Variants in COL6A1 observed in about 807,000 individuals in gnomAD.
The protein encoded by COL6A1 is collagen alpha-1(VI) chain.
In COL6A1, 80 loss-of-function variants were observed where a neutral mutation model predicts 145.6. The observed-to-expected ratio is 0.55, with a 90% confidence interval of 0.46 to 0.66. The LOEUF (loss-of-function observed/expected upper bound fraction) is 0.66. Ranked by LOEUF, COL6A1 falls within the 30% of genes least tolerant of loss-of-function variation. COL6A1 has a pLI of 0.00. For missense variants in COL6A1, 1,364 were observed against 1,473.8 expected, an observed-to-expected ratio of 0.93 and a Z score of 1.22; for synonymous variants, 638 against 622.8, an observed-to-expected ratio of 1.02 and a Z score of -0.36.
intron 29 of COL6A1, chr21:46,001,007 C>T (rs931159634): frequency 2.9e-6 from 2 of 695,268 alleles, no homozygotes; most frequent in South Asian, 1.8e-5. Context: ...GGGGTCCCTG[C>T]TCCATCATTC....
At chr21:45,983,712 C>T (rs1038405116) in intron 2 of COL6A1, among the ~76,000 whole-genome samples, 1 of 152,106 alleles carries the variant, frequency 6.6e-6, no homozygotes, top group African/African-American at 2.4e-5. Flanking sequence ...CGTGGCCCAG[C>T]GTCCCCCGAG....
intron 8 of COL6A1, among the ~76,000 whole-genome samples, chr21:45,988,781 G>C (rs1337836411): frequency 5.3e-5 from 8 of 152,188 alleles, no homozygotes; most frequent in African/African-American, 7.2e-5. Context: ...GTGGGCCCGA[G>C]TCCCATGGCC....
chr21:45,985,745 C>T (rs572030558), intron 3 of COL6A1, among the ~76,000 whole-genome samples: 2 of 152,338 alleles, frequency 1.3e-5, no homozygotes, highest in East Asian at 1.9e-4. Context: ...AGAGCCTCTC[C>T]CCGAGGTCGG....
chr21:45,982,870 G>A, intron 2 of COL6A1, 107 bp downstream of exon 2: 1 of 1,508,510 alleles, frequency 6.6e-7, no homozygotes, highest in Non-Finnish European at 9.1e-7. Context: ...TCCTAAGGTT[G>A]GGCGAGCGTT....
chr21:45,996,933 G>A (rs1302191608), intron 20 of COL6A1, among the ~76,000 whole-genome samples: 5 of 152,314 alleles, frequency 3.3e-5, no homozygotes, highest in Admixed American at 2.0e-4. Context: ...GCGGTTGGGG[G>A]TGGGCTAAGG....
rs8132678 is a variant in COL6A1, at chr21:46,002,065, C to T, written c.2061C>T (p.Leu687=). Residue 687 remains leucine (L), a synonymous_variant, in exon 31 of 35, where the codon CTC becomes CTT. Transcript: ENST00000361866. ...RSPSIRNVQE[L]KEAIKSLQWM... is the part of the protein sequence containing the mutation. ...CCAGCATCCGGAACGTGCAGGAGCT[C>T]AAGGAGTGAGTGCCCCACGCGGCCA... The T allele has an allele frequency of 1.2e-6, 2 of 1,610,988 alleles. No individual in the cohort carries two copies. Among genetic ancestry groups the T allele is most frequent in the Non-Finnish European group, 1.7e-6 (2 of 1,179,428 alleles).
chr21:45,992,852 G>A (rs764640499), intron 19 of COL6A1, 42 bp downstream of exon 19: 10 of 1,542,304 alleles, frequency 6.5e-6, no homozygotes, highest in Non-Finnish European at 7.9e-6. Context: ...CCCAGGAAGG[G>A]GCAGGCGGAG....
rs568823906 is a variant in COL6A1 at position 45,998,075 on chromosome 21, C to T, written c.1525-46C>T. ...GGGCCTGTGCCAGCCAGTGGGTATC[C>T]CAGGCCAGGCCGATTCGCACGGTGA... On this transcript the variant is annotated intron_variant, in intron 22 of 34. Coordinates refer to ENST00000361866, the MANE Select transcript of COL6A1 (RefSeq NM_001848.3). 13 of 1,606,704 alleles carry T rather than the reference C, an allele frequency of 8.1e-6. No individual in the cohort carries two copies. The South Asian group carries it at 1.3e-4, about 16-fold the overall frequency.
At position 45,981,874 on chromosome 21, in the gene COL6A1, G is replaced by A; in HGVS notation, c.24G>A (p.Leu8=). The change falls in exon 1 of 35, where the codon CTG becomes CTA. Residue 8 remains leucine (L), a synonymous_variant. Transcript: ENST00000361866. ...ACATGAGGGCGGCCCGTGCTCTGCT[G>A]CCCCTGCTGCTGCAGGCCTGCTGGA... The part of the protein sequence containing the change: MRAARAL[L]PLLLQACWTA... 1 of 1,598,520 alleles carries A rather than the reference G, an allele frequency of 6.3e-7. No individual in the cohort carries two copies. Among genetic ancestry groups the A allele is most frequent in the Non-Finnish European group, 8.5e-7 (1 of 1,174,668 alleles).
intron 30 of COL6A1, 39 bp from the exon 31 acceptor site, chr21:46,001,922 G>A (rs753994933): frequency 8.9e-6 from 14 of 1,576,128 alleles, no homozygotes; most frequent in African/African-American, 1.3e-5. Flanking sequence ...GCGGACCTGG[G>A]GCAGCACTCG....
At position 45,987,653 on chromosome 21, in the gene COL6A1, A is replaced by G. The variant is rs745611394; in HGVS notation, c.803A>G (p.Glu268Gly). 23 of 1,609,082 alleles carry G rather than the reference A, an allele frequency of 1.4e-5. No homozygotes were observed. In the South Asian group the frequency reaches 2.2e-4, roughly 15 times the overall value. Residue 268 changes from glutamate to glycine, a missense_variant and splice_region_variant, in exon 8 of 35, where the codon GAG becomes GGG. By Grantham distance (98) the Glu-to-Gly change is moderately conservative. Transcript: ENST00000361866. ...PPGLRGDPGF[E>G]GERGKPGLPG... ...GGGCTCCGGGGCGACCCCGGCTTTG[A>G]GGTGAGTGGTGACTCCTGCTCCTCC...
chr21:45,995,542 C>T (rs2077800119), intron 20 of COL6A1, among the ~76,000 whole-genome samples: 1 of 152,270 alleles, frequency 6.6e-6, no homozygotes, highest in Non-Finnish European at 1.5e-5. Context: ...ATTCTAACCA[C>T]ACCCTGCCTG....
chr21:45,986,776 G>T, intron 4 of COL6A1, 91 bp downstream of exon 4: 1 of 1,517,848 alleles, frequency 6.6e-7, no homozygotes. Context: ...TTTGGTCCTC[G>T]GGAGGGTGTG....
chr21:45,984,356 C>T lies in COL6A1; in HGVS notation c.315C>T (p.Arg105=). The T allele has an allele frequency of 1.2e-6, 2 of 1,612,642 alleles. No homozygotes were observed. Among genetic ancestry groups the T allele is most frequent in the South Asian group, 1.1e-5 (1 of 91,062 alleles). Residue 105 remains arginine (R), a synonymous_variant, in exon 3 of 35, where the codon CGC becomes CGT. Transcript: ENST00000361866. The part of the protein sequence containing the change: ...DEVEIIQGLT[R]MPGGRDALKS... ...TGGAGATCATCCAAGGCCTCACGCG[C>T]ATGCCTGGCGGCCGCGACGCACTCA... is the stretch of plus-strand genomic sequence containing the variant.
chr21:46,002,934 G>A (rs987561505), intron 33 of COL6A1, among the ~76,000 whole-genome samples, 186 bp from the exon 34 acceptor site: 3 of 151,040 alleles, frequency 2.0e-5, no homozygotes, highest in Admixed American at 6.6e-5. Context: ...ACCTCCAGGG[G>A]CACGGCCACC....
At chr21:45,986,467 G>A (rs1002083012) in intron 3 of COL6A1, 59 bp from the exon 4 acceptor site, 1 of 1,529,780 alleles carries the variant, frequency 6.5e-7, no homozygotes, top group Admixed American at 2.0e-5. Flanking sequence ...GACAGGCTTG[G>A]GTCTCCCTCC....
In COL6A1 at chr21:45,990,294, G is replaced by T. The variant is rs1205672766; in HGVS notation, c.957+10G>T. The T allele has an allele frequency of 6.2e-7, 1 of 1,612,700 alleles. No homozygotes were observed. The highest frequency in any genetic ancestry group is 1.3e-5 in the African/African-American group (1 of 74,876). On this transcript the variant is annotated intron_variant, in intron 12 of 34. Coordinates refer to ENST00000361866, the MANE Select transcript of COL6A1 (RefSeq NM_001848.3). ...ACCCAAGGGCTACAAGGTGAGCGTGGGCTGCTGGGAGGGGGGAGTTCTGCC... is the reference window on the plus strand; with the variant it reads ...ACCCAAGGGCTACAAGGTGAGCGTGTGCTGCTGGGAGGGGGGAGTTCTGCC...
rs185352242 is a variant in COL6A1 at position 45,993,424 on chromosome 21, G to A, written c.1335+614G>A. 6.1e-3 allele frequency among the ~76,000 whole-genome samples: 927 copies of A among 152,374 alleles called. 7 individuals are homozygous for A. Among genetic ancestry groups the A allele is most frequent in the Middle Eastern group, 0.017 (5 of 294 alleles). ...CTCAGTCCCATCCGGCTCAGGGAGA[G>A]CCAGGGCCTGGCGGGCAGAGTGAAG... On this transcript the variant is annotated intron_variant, in intron 19 of 34. Transcript: ENST00000361866.
chr21:45,996,310 C>T (rs925040977), intron 20 of COL6A1, among the ~76,000 whole-genome samples: 1 of 152,212 alleles, frequency 6.6e-6, no homozygotes, highest in Non-Finnish European at 1.5e-5. Flanking sequence ...CCTTGAGGCC[C>T]GTGTGCAAAG....
Sources: gnomAD v4.1 joint callset for allele counts (sites outside exome capture counted in the v4.1 genomes callset) on GRCh38, gnomAD v4.1.1 for gene constraint, MANE v1.5 for transcripts, NCBI Gene and HGNC (gene_info 2026-07-23, HGNC 2026-07-21) for gene names.